Variants in EXOC4 observed in about 807,000 individuals in gnomAD.
EXOC4 encodes SEC8-like 1.
EXOC4 carries 71 observed loss-of-function variants against 107.2 expected under a neutral mutation model. The observed-to-expected ratio is 0.66, with a 90% CI of 0.55 to 0.81. EXOC4 has a LOEUF of 0.81. Ranked by LOEUF, EXOC4 falls within the 30% of genes least tolerant of loss-of-function variation. The pLI is 0.00. For synonymous variants in EXOC4, 456 were observed against 441.2 expected, an observed-to-expected ratio of 1.03 and a Z score of -0.42; for missense variants, 1,108 against 1,189.6, an observed-to-expected ratio of 0.93 and a Z score of 1.01.
At chr7:134,040,539 T>C (rs1795490990) in intron 17 of EXOC4, among the ~76,000 whole-genome samples, 1 of 152,198 alleles carries the variant, frequency 6.6e-6, no homozygotes, top group African/African-American at 2.4e-5. Flanking sequence ...GCCATGTTAC[T>C]TGAAACCTCC....
intron 10 of EXOC4, among the ~76,000 whole-genome samples, chr7:133,650,756 C>T (rs1431618150): frequency 6.6e-6 from 1 of 152,074 alleles, no homozygotes; most frequent in Admixed American, 6.6e-5. Flanking sequence ...CAGCAACCTA[C>T]CCTGCTGGAT....
chr7:133,789,491 G>A lies in EXOC4; in HGVS notation c.1515-27834G>A, dbSNP rs112628155. Among the ~76,000 whole-genome samples, 374 of 152,278 alleles carry A rather than the reference G, an allele frequency of 2.5e-3. 1 individual carries two copies. Among genetic ancestry groups the A allele is most frequent in the African/African-American group, 8.3e-3 (346 of 41,558 alleles). On this transcript the variant is annotated intron_variant, in intron 10 of 17. Coordinates refer to ENST00000253861, the MANE Select transcript of EXOC4 (RefSeq NM_021807.4). ...CTGTAGTTTCACACTGATGATATAGGATTACCATTTGATGGTAGAATAAAA... is the reference window on the plus strand; with the variant it reads ...CTGTAGTTTCACACTGATGATATAGAATTACCATTTGATGGTAGAATAAAA...
intron 7 of EXOC4, among the ~76,000 whole-genome samples, chr7:133,402,879 ATAT>A (rs1485443465): frequency 2.1e-5 from 3 of 143,586 alleles, no homozygotes; most frequent in African/African-American, 8.0e-5. Context: ...CAAGAGCCTA[ATAT>A]TTTTTTTTTT....
At chr7:133,538,061 A>G (rs1201584160) in intron 9 of EXOC4, among the ~76,000 whole-genome samples, 63 of 152,146 alleles carry the variant, frequency 4.1e-4, no homozygotes, top group Non-Finnish European at 2.9e-5. Context: ...TATTTTAAAG[A>G]TGAGGCAATT....
At chr7:133,823,894 T>TATATATA (rs1563015082) in intron 11 of EXOC4, among the ~76,000 whole-genome samples, 2 of 17,672 alleles carry the variant, frequency 1.1e-4, no homozygotes, top group African/African-American at 1.4e-3. Context: ...ATATATATAT[T>TATATATA]TTATATATAT....
At chr7:133,889,299 A>G (rs1356425599) in intron 11 of EXOC4, among the ~76,000 whole-genome samples, 1 of 151,432 alleles carries the variant, frequency 6.6e-6, no homozygotes, top group Non-Finnish European at 1.5e-5. Flanking sequence ...CAGAGAAAAA[A>G]CTTGCTCAGG....
intron 9 of EXOC4, among the ~76,000 whole-genome samples, chr7:133,507,089 C>A (rs1386253648): frequency 1.3e-5 from 2 of 151,944 alleles, no homozygotes; most frequent in Non-Finnish European, 2.9e-5. Flanking sequence ...ACTATGATTT[C>A]TTTTAGATGG....
At chr7:133,478,058 A>T (rs769706336) in intron 8 of EXOC4, among the ~76,000 whole-genome samples, 1 of 152,122 alleles carries the variant, frequency 6.6e-6, no homozygotes, top group Non-Finnish European at 1.5e-5. Context: ...AAGATAGTAG[A>T]AGGAAAAGGT....
Position 133,285,046 on chromosome 7 carries a change from A to G in EXOC4, c.277-3876A>G, listed in dbSNP as rs573719442. 2.6e-5 allele frequency among the ~76,000 whole-genome samples: 4 copies of G among 152,270 alleles called. No homozygotes were observed. The South Asian group carries it at 8.3e-4, about 31-fold the overall frequency. ...TTATATATTAACTTCCAACTATGGAAGATGAGGACTTAGCCCCCTTCCCAA... is the reference window on the plus strand; with the variant it reads ...TTATATATTAACTTCCAACTATGGAGGATGAGGACTTAGCCCCCTTCCCAA... On this transcript the variant is annotated intron_variant, in intron 2 of 17. Coordinates refer to ENST00000253861, the MANE Select transcript of EXOC4 (RefSeq NM_021807.4).
rs566520229 is a variant in EXOC4, at chr7:133,924,317, C to G, written c.2027+6579C>G. On this transcript the variant is annotated intron_variant, in intron 13 of 17. Transcript: ENST00000253861. ...GACTAAATATCTTTTTCTTCTTGTT[C>G]CTCAGCTTATTTTTGTGTAACTCCT... Among the ~76,000 whole-genome samples the G allele has an allele frequency of 4.6e-5, 7 of 152,190 alleles. No individual in the cohort carries two copies. In the South Asian group the frequency reaches 1.2e-3, roughly 27 times the overall value.
At chr7:133,846,440 TAG>T (rs1798128519) in intron 11 of EXOC4, among the ~76,000 whole-genome samples, 1 of 152,166 alleles carries the variant, frequency 6.6e-6, no homozygotes, top group South Asian at 2.1e-4. Context: ...ACTCTGGGCT[TAG>T]AGAGTCCTTG....
intron 17 of EXOC4, among the ~76,000 whole-genome samples, chr7:134,037,609 CCGT>C (rs977242018): frequency 6.6e-6 from 1 of 152,094 alleles, no homozygotes; most frequent in Non-Finnish European, 1.5e-5. Context: ...GCTTTGGTAC[CCGT>C]GGCTTTATAA....
chr7:133,659,922 C>T (rs1287416754), intron 10 of EXOC4, among the ~76,000 whole-genome samples: 1 of 152,156 alleles, frequency 6.6e-6, no homozygotes, highest in Non-Finnish European at 1.5e-5. Context: ...GGATAATTCC[C>T]AGAGATCAGT....
intron 10 of EXOC4, among the ~76,000 whole-genome samples, chr7:133,679,929 A>G (rs1265455652): frequency 6.6e-6 from 1 of 152,236 alleles, no homozygotes; most frequent in Non-Finnish European, 1.5e-5. Flanking sequence ...CTGTCTCAAT[A>G]TTAAATAGTG....
rs139577854 is a variant in EXOC4, at chr7:133,910,201, C to A, written c.1872-7382C>A. On this transcript the variant is annotated intron_variant, in intron 12 of 17. Coordinates refer to ENST00000253861, the MANE Select transcript of EXOC4 (RefSeq NM_021807.4). ...CCTCCCAAAGTGCTGGGATTACAGG[C>A]GTCAACCACTGCGTCCAGCTGAGAC... is the stretch of plus-strand genomic sequence containing the variant. 3.3e-5 allele frequency among the ~76,000 whole-genome samples: 5 copies of A among 152,272 alleles called. No homozygotes were observed. In the East Asian group the frequency reaches 9.7e-4, roughly 29 times the overall value.
intron 12 of EXOC4, among the ~76,000 whole-genome samples, chr7:133,915,540 A>T (rs957319384): frequency 6.6e-6 from 1 of 152,180 alleles, no homozygotes; most frequent in African/African-American, 2.4e-5. Context: ...TGTTTTTTTA[A>T]AGAAATAGCT....
At chr7:133,591,801 T>G (rs557814887) in intron 9 of EXOC4, among the ~76,000 whole-genome samples, 10 of 152,252 alleles carry the variant, frequency 6.6e-5, no homozygotes, top group African/African-American at 2.4e-4. Context: ...AACGAATGCA[T>G]GTAGGTTGGG....
intron 4 of EXOC4, among the ~76,000 whole-genome samples, chr7:133,314,034 C>T (rs1794935353): frequency 6.6e-6 from 1 of 151,868 alleles, no homozygotes; most frequent in Non-Finnish European, 1.5e-5. Flanking sequence ...TCCAAAATAA[C>T]GTTATAATTT....
chr7:133,720,758 G>A (rs750277607), intron 10 of EXOC4, among the ~76,000 whole-genome samples: 23 of 152,168 alleles, frequency 1.5e-4, no homozygotes, highest in Admixed American at 3.9e-4. Flanking sequence ...ATAAAGAGAA[G>A]ATAGACTATT....
Sources: gnomAD v4.1 joint callset for allele counts (sites outside exome capture counted in the v4.1 genomes callset) on GRCh38, gnomAD v4.1.1 for gene constraint, MANE v1.5 for transcripts, NCBI Gene and HGNC (gene_info 2026-07-23, HGNC 2026-07-21) for gene names.